Variants in HTATIP2 observed in about 807,000 individuals in gnomAD.
HTATIP2 encodes the protein protein HTATIP2.
HTATIP2 carries 26 observed loss-of-function variants against 24.7 expected under a neutral mutation model. The ratio of observed to expected loss-of-function variants is 1.05; its 90% CI spans 0.77 to 1.46. The LOEUF is 1.46. Ranked by LOEUF, HTATIP2 falls within the 40% of genes most tolerant of loss-of-function variation. The pLI, the probability that HTATIP2 is intolerant of heterozygous loss-of-function variation, is 0.00. For missense variants in HTATIP2, 284 were observed against 289.6 expected, an observed-to-expected ratio of 0.98 and a Z score of 0.14; for synonymous variants, 99 against 113.2, an observed-to-expected ratio of 0.87 and a Z score of 0.79.
rs774997344 is a variant in HTATIP2, at chr11:20,379,052, AAAACAAAC to A, written c.441+2338_441+2345del. ...CTCTGTCTCAAAAACAAAACAAAAC[AAAACAAAC>A]AACAACAACAACAACAACAACAAAA... On this transcript the variant is annotated intron_variant, in intron 3 of 4. Coordinates refer to ENST00000451739, the MANE Select transcript of HTATIP2 (RefSeq NM_001098522.2). Among the ~76,000 whole-genome samples, 95 of 56,924 alleles carry A rather than the reference AAAACAAAC, an allele frequency of 1.7e-3. 1 individual carries two copies. The South Asian group carries it at 0.04, about 24-fold the overall frequency. 37.3% of individuals were successfully genotyped at this position (56,924 alleles called of 152,430 possible).
At chr11:20,368,769 T>C (rs1592318534) in intron 2 of HTATIP2, among the ~76,000 whole-genome samples, 1 of 152,364 alleles carries the variant, frequency 6.6e-6, no homozygotes, top group Admixed American at 6.5e-5. Context: ...TCTAAACTGC[T>C]TTTTGTGTTC....
intron 3 of HTATIP2, among the ~76,000 whole-genome samples, chr11:20,379,052 AAAACAAACAAC>A (rs1314684995): frequency 3.5e-5 from 2 of 56,842 alleles, no homozygotes; most frequent in Non-Finnish European, 7.8e-5. Context: ...AAAACAAAAC[AAAACAAACAAC>A]AACAACAACA....
chr11:20,367,159 T>C lies in HTATIP2; in HGVS notation c.196-15T>C. The stretch of plus-strand genomic sequence containing the variant: ...TAAATAACATGAAACTACATACAAC[T>C]GTGTCCTTGCCTAGAATCAAGAAGT... On this transcript the variant is annotated splice_polypyrimidine_tract_variant and intron_variant, in intron 1 of 4. Coordinates refer to ENST00000451739, the MANE Select transcript of HTATIP2 (RefSeq NM_001098522.2). 2 of 1,613,712 alleles carry C rather than the reference T, an allele frequency of 1.2e-6. No individual in the cohort carries two copies. The highest frequency in any genetic ancestry group is 2.2e-5 in the East Asian group (1 of 44,878).
chr11:20,366,962 T>G (rs2064715569), intron 1 of HTATIP2, among the ~76,000 whole-genome samples: 1 of 152,216 alleles, frequency 6.6e-6, no homozygotes, highest in African/African-American at 2.4e-5. Context: ...TCACCCCTAG[T>G]CCAGTTATAT....
At chr11:20,369,337 A>G (rs891076341) in intron 2 of HTATIP2, among the ~76,000 whole-genome samples, 3 of 152,166 alleles carry the variant, frequency 2.0e-5, no homozygotes, top group African/African-American at 7.2e-5. Flanking sequence ...TAACTGGAAC[A>G]CCTCATATAT....
intron 2 of HTATIP2, among the ~76,000 whole-genome samples, chr11:20,375,828 G>A (rs1848436285): frequency 6.6e-6 from 1 of 152,102 alleles, no homozygotes; most frequent in African/African-American, 2.4e-5. Flanking sequence ...TGTTATTTGT[G>A]TCATTCTCTT....
intron 3 of HTATIP2, among the ~76,000 whole-genome samples, chr11:20,379,372 C>T (rs557430608): frequency 1.3e-5 from 2 of 152,276 alleles, no homozygotes; most frequent in South Asian, 4.1e-4. Context: ...TGACGCTGAA[C>T]AATATATAAT....
chr11:20,370,471 A>T (rs527823035), intron 2 of HTATIP2, among the ~76,000 whole-genome samples: 22 of 152,280 alleles, frequency 1.4e-4, no homozygotes, highest in Admixed American at 4.6e-4. Context: ...TTTTCTGTTG[A>T]GTGGATGATG....
chr11:20,370,459 T>C lies in HTATIP2; in HGVS notation c.303+3178T>C, dbSNP rs2064759997. Among the ~76,000 whole-genome samples, 3 of 152,310 alleles carry C rather than the reference T, an allele frequency of 2.0e-5. No homozygotes were observed. In the South Asian group the frequency reaches 6.2e-4, roughly 32 times the overall value. ...AGTAGGCTCCAGAAGTCCAGGTTCT[T>C]GTTTTCTGTTGAGTGGATGATGTCA... On this transcript the variant is annotated intron_variant, in intron 2 of 4. Coordinates refer to ENST00000451739, the MANE Select transcript of HTATIP2 (RefSeq NM_001098522.2).
Position 20,364,360 on chromosome 11 carries a change from G to C in HTATIP2, c.123G>C (p.Gln41His), listed in dbSNP as rs1388211371. 1.2e-6 allele frequency: 2 copies of C among 1,613,524 alleles called. No homozygotes were observed. Among genetic ancestry groups the C allele is most frequent in the Non-Finnish European group, 1.7e-6 (2 of 1,179,678 alleles). Residue 41 changes from glutamine to histidine, a missense_variant, in exon 1 of 5, where the codon CAG becomes CAC. Coordinates refer to ENST00000451739, the MANE Select transcript of HTATIP2 (RefSeq NM_001098522.2). ...GRVLLKEILE[Q>H]GLFSKVTLIG... ...TGCTCTTAAAGGAAATCCTGGAGCAGGGCCTGTTTTCCAAAGTCACGCTCA... is the reference window on the plus strand; with the variant it reads ...TGCTCTTAAAGGAAATCCTGGAGCACGGCCTGTTTTCCAAAGTCACGCTCA...
intron 2 of HTATIP2, chr11:20,367,737 G>A: frequency 2.2e-6 from 2 of 925,348 alleles, no homozygotes; most frequent in Non-Finnish European, 2.6e-6. Flanking sequence ...TCAGAACACA[G>A]GCACGATTCA....
intron 2 of HTATIP2, among the ~76,000 whole-genome samples, chr11:20,375,260 A>G (rs991265547): frequency 2.6e-5 from 4 of 152,054 alleles, no homozygotes; most frequent in African/African-American, 9.7e-5. Context: ...ACTACTGAGG[A>G]GCAAATTTTT....
At chr11:20,374,665 C>G (rs538636203) in intron 2 of HTATIP2, among the ~76,000 whole-genome samples, 2 of 152,312 alleles carry the variant, frequency 1.3e-5, no homozygotes, top group East Asian at 3.9e-4. Context: ...AAACTAATCT[C>G]TCTGTTTCAA....
chr11:20,376,553 A>G, intron 2 of HTATIP2, 27 bp from the exon 3 acceptor site: 1 of 1,613,090 alleles, frequency 6.2e-7, no homozygotes, highest in Non-Finnish European at 8.5e-7. Context: ...GCTTTTTGGA[A>G]ATAACTCATG....
At chr11:20,378,584 T>G (rs192107558) in intron 3 of HTATIP2, among the ~76,000 whole-genome samples, 1 of 152,186 alleles carries the variant, frequency 6.6e-6, no homozygotes, top group Non-Finnish European at 1.5e-5. Flanking sequence ...ACATAAGATA[T>G]TTCCTCATTG....
At chr11:20,370,121 A>G (rs11821554) in intron 2 of HTATIP2, among the ~76,000 whole-genome samples, 3,608 of 152,254 alleles carry the variant, frequency 0.024, 146 homozygotes, top group African/African-American at 0.082. Flanking sequence ...GATGCAGTCA[A>G]CCCTGTCCTT....
rs776615731 is a variant in HTATIP2 at position 20,382,258 on chromosome 11, C to G, written c.503+19C>G. 1 of 1,405,570 alleles carries G rather than the reference C, an allele frequency of 7.1e-7. No individual in the cohort carries two copies. Among genetic ancestry groups the G allele is most frequent in the Non-Finnish European group, 1.0e-6 (1 of 992,118 alleles). The allele number at this position is 1,405,570 out of a possible 1,614,324, so 87.1% of individuals were successfully genotyped here. A position where few individuals can be genotyped will look rare whatever the true frequency, so the allele number is the denominator to read the frequency against. Reference sequence around the variant, plus strand: ...GGCCTGGGTAAGTATAATATTTATACTGAATGAGAGTATGCCACTGATGGT... The same window carrying G: ...GGCCTGGGTAAGTATAATATTTATAGTGAATGAGAGTATGCCACTGATGGT... On this transcript the variant is annotated intron_variant, in intron 4 of 4. Transcript: ENST00000451739.
rs772920011 is a variant in HTATIP2 at position 20,376,592 on chromosome 11, C to A, written c.316C>A (p.Arg106Ser). The change falls in exon 3 of 5, where the codon CGT becomes AGT. Residue 106 changes from arginine to serine, a missense_variant. Physicochemically the swap from Arg to Ser is moderately radical, Grantham distance 110. Transcript: ENST00000451739. The stretch of plus-strand genomic sequence containing the variant: ...TTTTCCCCCTTAGGAGGGATTTGTT[C>A]GTGTTGACCGAGATTATGTGCTGAA... ...RGKAGAEGFVRVDRDYVLKSA... is the reference protein window; with the variant it reads ...RGKAGAEGFVSVDRDYVLKSA... 3 of 1,613,694 alleles carry A rather than the reference C, an allele frequency of 1.9e-6. No homozygotes were observed. Among genetic ancestry groups the A allele is most frequent in the Non-Finnish European group, 2.5e-6 (3 of 1,179,870 alleles).
Position 20,383,207 on chromosome 11 carries a change from C to A in HTATIP2, c.*2C>A. 1 of 1,609,160 alleles carries A rather than the reference C, an allele frequency of 6.2e-7. No homozygotes were observed. The highest frequency in any genetic ancestry group is 8.5e-7 in the Non-Finnish European group (1 of 1,176,192). ...GCGCATGGCTCTCTCAAGCCATGACCACATTGGAGAAATGGTTTTTATTGT... is the reference window on the plus strand; with the variant it reads ...GCGCATGGCTCTCTCAAGCCATGACAACATTGGAGAAATGGTTTTTATTGT... On this transcript the variant is annotated 3_prime_UTR_variant, in exon 5 of 5. Transcript: ENST00000451739.
Sources: allele counts gnomAD v4.1 joint callset (sites outside exome capture counted in the v4.1 genomes callset), GRCh38; gene constraint gnomAD v4.1.1; transcripts MANE v1.5; gene names NCBI Gene and HGNC (gene_info 2026-07-23, HGNC 2026-07-21).